Variants in IFIT1 observed in about 807,000 individuals in gnomAD.
IFIT1 encodes antiviral innate immune response effector IFIT1.
Under a neutral mutation model 2.5 loss-of-function variants are expected in IFIT1, and 1 was observed. The observed-to-expected ratio is 0.40, with a 90% confidence interval of 0.14 to 1.92. The LOEUF (loss-of-function observed/expected upper bound fraction) is 1.92. Among genes scored for constraint, IFIT1 ranks in the 40% most tolerant of loss-of-function variants. The pLI, the probability that IFIT1 is intolerant of heterozygous loss-of-function variation, is 0.31. For synonymous variants in IFIT1, 191 were observed against 201.7 expected, an observed-to-expected ratio of 0.95 and a Z score of 0.45; for missense variants, 508 against 557.8, an observed-to-expected ratio of 0.91 and a Z score of 0.90.
intron 1 of IFIT1, among the ~76,000 whole-genome samples, chr10:89,401,412 C>T (rs1015405477): frequency 4.6e-5 from 7 of 152,126 alleles, no homozygotes; most frequent in African/African-American, 1.4e-4. Context: ...TGAGCCACCG[C>T]ACCCAGCCTA....
intron 1 of IFIT1, among the ~76,000 whole-genome samples, chr10:89,394,667 A>G (rs1844315090): frequency 7.0e-6 from 1 of 143,726 alleles, no homozygotes; most frequent in African/African-American, 2.7e-5. Context: ...GTGATTTTTT[A>G]TTGTGATAAA....
Position 89,395,212 on chromosome 10 carries a change from T to C in IFIT1, c.5+2495T>C, listed in dbSNP as rs139029633. Reference sequence around the variant, plus strand: ...CCACCCCACATGGACCAGGCAGATGTGCTGCAGTGACCACCTCTCAGTCAC... The same window carrying C: ...CCACCCCACATGGACCAGGCAGATGCGCTGCAGTGACCACCTCTCAGTCAC... On this transcript the variant is annotated intron_variant, in intron 1 of 1. Transcript: ENST00000371804. Among the ~76,000 whole-genome samples the C allele has an allele frequency of 5.4e-3, 716 of 132,622 alleles. 3 individuals carry two copies. The highest frequency in any genetic ancestry group is 0.027 in the Middle Eastern group (7 of 260). 87.0% of individuals were successfully genotyped at this position (132,622 alleles called of 152,430 possible).
At chr10:89,395,063 C>A (rs1355297503) in intron 1 of IFIT1, among the ~76,000 whole-genome samples, 2 of 152,174 alleles carry the variant, frequency 1.3e-5, no homozygotes, top group African/African-American at 2.4e-5. Context: ...TAGTTCTCCA[C>A]CTTTTTCCAG....
At chr10:89,401,811 A>G (rs575225255) in intron 1 of IFIT1, among the ~76,000 whole-genome samples, 30 of 151,982 alleles carry the variant, frequency 2.0e-4, no homozygotes, top group African/African-American at 6.5e-4. Context: ...AACCCGGGTC[A>G]AATATTATCT....
In IFIT1 at chr10:89,404,975, T is replaced by G. The variant is rs1844506660; in HGVS notation, c.*1263T>G. ...ACCCCATCTCAAAAAAAAAAAAAGT[T>G]CTCTCCAATTGTATATAGCTTGTGA... On this transcript the variant is annotated 3_prime_UTR_variant, in exon 2 of 2. Transcript: ENST00000371804. The G allele has an allele frequency of 1.3e-5, 2 of 151,968 alleles. No homozygotes were observed. The highest frequency in any genetic ancestry group is 1.3e-4 in the Admixed American group (2 of 15,252). 9.4% of individuals were successfully genotyped at this position (151,968 alleles called of 1,614,324 possible).
In IFIT1 at chr10:89,406,339, A is replaced by G. The variant is rs1159682917; in HGVS notation, c.*2627A>G. The G allele has an allele frequency of 6.8e-6, 1 of 147,694 alleles. No homozygotes were observed. The highest frequency in any genetic ancestry group is 1.5e-5 in the Non-Finnish European group (1 of 68,018). The allele number at this position is 147,694 out of a possible 1,614,324, so 9.1% of individuals were successfully genotyped here. A position where few individuals can be genotyped will look rare whatever the true frequency, so the allele number is the denominator to read the frequency against. On this transcript the variant is annotated 3_prime_UTR_variant, in exon 2 of 2. Transcript: ENST00000371804. ...TAAAATGGACCAATCAGCTCTCTGT[A>G]AAATGGACCAATCAGCAGGATGTGG...
At position 89,402,806 on chromosome 10, in the gene IFIT1, C is replaced by T. The variant is rs765447548; in HGVS notation, c.531C>T (p.Ser177=). The change falls in exon 2 of 2, where the codon TCC becomes TCT. Residue 177 remains serine (S), a synonymous_variant. Coordinates refer to ENST00000371804, the MANE Select transcript of IFIT1 (RefSeq NM_001548.5). Reference sequence around the variant, plus strand: ...AAGTGGACCCTGAAAACCCTGAATCCAGCGCTGGGTATGCGATCTCTGCCT... The same window carrying T: ...AAGTGGACCCTGAAAACCCTGAATCTAGCGCTGGGTATGCGATCTCTGCCT... ...VLEVDPENPE[S]SAGYAISAYR... is the part of the protein sequence containing the mutation. 3 of 1,614,174 alleles carry T rather than the reference C, an allele frequency of 1.9e-6. No individual in the cohort carries two copies. The highest frequency in any genetic ancestry group is 2.5e-6 in the Non-Finnish European group (3 of 1,180,030).
intron 1 of IFIT1, 87 bp downstream of exon 1, chr10:89,392,804 G>A (rs933969744): frequency 1.5e-6 from 2 of 1,376,050 alleles, no homozygotes; most frequent in Non-Finnish European, 2.1e-6. Context: ...TTAGATCTCA[G>A]TGAGGTCAGG....
intron 1 of IFIT1, among the ~76,000 whole-genome samples, chr10:89,399,628 C>A (rs945760516): frequency 6.6e-6 from 1 of 152,066 alleles, no homozygotes; most frequent in African/African-American, 2.4e-5. Flanking sequence ...AAAAGACCAT[C>A]CTTTCCCCAT....
intron 1 of IFIT1, among the ~76,000 whole-genome samples, chr10:89,398,957 A>G (rs955453666): frequency 3.3e-5 from 5 of 152,022 alleles, no homozygotes; most frequent in Non-Finnish European, 7.4e-5. Context: ...TTACCATACC[A>G]TTTTTCACAG....
rs1844483193 is a variant in IFIT1, at chr10:89,403,765, A to G, written c.*53A>G. The G allele has an allele frequency of 1.1e-6, 1 of 949,576 alleles. No individual in the cohort carries two copies. Among genetic ancestry groups the G allele is most frequent in the African/African-American group, 1.6e-5 (1 of 60,886 alleles). The allele number at this position is 949,576 out of a possible 1,614,324, so 58.8% of individuals were successfully genotyped here. On this transcript the variant is annotated 3_prime_UTR_variant, in exon 2 of 2. Coordinates refer to ENST00000371804, the MANE Select transcript of IFIT1 (RefSeq NM_001548.5). ...TTCATTTCATTTTATGCTAACATTT[A>G]CTAATCATCTTTTCTGCTTACTGTT... is the stretch of plus-strand genomic sequence containing the variant.
Position 89,404,895 on chromosome 10 carries a change from G to C in IFIT1, c.*1183G>C, listed in dbSNP as rs1436034791. The stretch of plus-strand genomic sequence containing the variant: ...GTGGACTGCTGGAGCCAGGGAGTTC[G>C]AGGCTGCAGTGTCGAGATCTTGCCA... On this transcript the variant is annotated 3_prime_UTR_variant, in exon 2 of 2. Transcript: ENST00000371804. 1 of 152,062 alleles carries C rather than the reference G, an allele frequency of 6.6e-6. No individual in the cohort carries two copies. The highest frequency in any genetic ancestry group is 1.5e-5 in the Non-Finnish European group (1 of 68,026). The allele number at this position is 152,062 out of a possible 1,614,324, so 9.4% of individuals were successfully genotyped here. A position where few individuals can be genotyped will look rare whatever the true frequency, so the allele number is the denominator to read the frequency against.
At chr10:89,393,852 A>G (rs1411938354) in intron 1 of IFIT1, among the ~76,000 whole-genome samples, 2 of 152,242 alleles carry the variant, frequency 1.3e-5, no homozygotes, top group Admixed American at 1.3e-4. Context: ...TTACAGGCCT[A>G]TGATGAACCC....
rs777657919 is a variant in IFIT1 at position 89,403,521 on chromosome 10, G to A, written c.1246G>A (p.Asp416Asn). The change falls in exon 2 of 2, where the codon GAT becomes AAT. Residue 416 changes from aspartate (D) to asparagine (N), a missense_variant. Coordinates refer to ENST00000371804, the MANE Select transcript of IFIT1 (RefSeq NM_001548.5). ...AATAGAACAGGCATCATTAACAAGG[G>A]ATAAAAGTATCAATTCTTTGAAGAA... is the stretch of plus-strand genomic sequence containing the variant. ...IKIEQASLTR[D>N]KSINSLKKLV... The A allele has an allele frequency of 3.7e-6, 6 of 1,613,742 alleles. No homozygotes were observed. The highest frequency in any genetic ancestry group is 4.2e-6 in the Non-Finnish European group (5 of 1,179,792).
chr10:89,397,689 T>C, intron 1 of IFIT1, among the ~76,000 whole-genome samples: 1 of 152,008 alleles, frequency 6.6e-6, no homozygotes, highest in East Asian at 1.9e-4. Flanking sequence ...GCATTTTTTT[T>C]CATATTTATT....
Position 89,403,054 on chromosome 10 carries a change from T to A in IFIT1, c.779T>A (p.Phe260Tyr), listed in dbSNP as rs148306581. The A allele has an allele frequency of 2.9e-4, 466 of 1,614,074 alleles. 1 individual carries two copies. The highest frequency in any genetic ancestry group is 3.7e-4 in the Non-Finnish European group (436 of 1,180,042). Residue 260 changes from phenylalanine to tyrosine, a missense_variant, in exon 2 of 2, where the codon TTT becomes TAT. Transcript: ENST00000371804. ...QTYVFRYAAK[F>Y]YRRKGSVDKA... is the part of the protein sequence containing the mutation. ...TATGTCTTTCGATATGCAGCCAAGT[T>A]TTACCGAAGAAAAGGCTCTGTGGAT...
rs1228616261 is a variant in IFIT1 at position 89,403,943 on chromosome 10, ATGTT to A, written c.*232_*235del. On this transcript the variant is annotated 3_prime_UTR_variant, in exon 2 of 2. Coordinates refer to ENST00000371804, the MANE Select transcript of IFIT1 (RefSeq NM_001548.5). ...ATGAGTGCTATGTAGTAGAGAAAAA[ATGTT>A]AGTTAACTTTGTAGGAAATAAAACA... 2 of 388,582 alleles carry A rather than the reference ATGTT, an allele frequency of 5.1e-6. No homozygotes were observed. The highest frequency in any genetic ancestry group is 4.2e-5 in the Admixed American group (1 of 23,644). The allele number at this position is 388,582 out of a possible 1,614,324, so 24.1% of individuals were successfully genotyped here.
Position 89,393,040 on chromosome 10 carries a change from A to C in IFIT1, c.5+323A>C, listed in dbSNP as rs1305696070. 3.4e-6 allele frequency: 3 copies of C among 882,050 alleles called. No individual in the cohort carries two copies. In the East Asian group the frequency reaches 1.4e-4, roughly 41 times the overall value. 54.6% of individuals were successfully genotyped at this position (882,050 alleles called of 1,614,324 possible). A position where few individuals can be genotyped will look rare whatever the true frequency, so the allele number is the denominator to read the frequency against. On this transcript the variant is annotated intron_variant, in intron 1 of 1. Transcript: ENST00000371804. ...AATCTGAGAGATTCTTTCCCATCAG[A>C]TTCACTTCTGTCTGATATGGGGAAG...
chr10:89,395,664 G>C (rs1844332375), intron 1 of IFIT1, among the ~76,000 whole-genome samples: 2 of 152,110 alleles, frequency 1.3e-5, no homozygotes, highest in Non-Finnish European at 2.9e-5. Context: ...CCTAGACATA[G>C]ATCAGACGCT....
Sources: gnomAD v4.1 joint callset for allele counts (sites outside exome capture counted in the v4.1 genomes callset) on GRCh38, gnomAD v4.1.1 for gene constraint, MANE v1.5 for transcripts, NCBI Gene and HGNC (gene_info 2026-07-23, HGNC 2026-07-21) for gene names.